BPNT1: variants seen among roughly 807,000 people sequenced by gnomAD.
BPNT1 encodes 3'(2'),5'-bisphosphate nucleotidase 1.
Under a neutral mutation model 36.9 loss-of-function variants are expected in BPNT1, and 28 were observed. The observed-to-expected ratio is 0.76, with a 90% CI of 0.56 to 1.04. The LOEUF (loss-of-function observed/expected upper bound fraction) is 1.04. Ranked by LOEUF, BPNT1 falls within the 50% of genes least tolerant of loss-of-function variation. The pLI, the probability that BPNT1 is intolerant of heterozygous loss-of-function variation, is 0.00. For synonymous variants in BPNT1, 119 were observed against 130.9 expected, an observed-to-expected ratio of 0.91 and a Z score of 0.62; for missense variants, 313 against 372.9, an observed-to-expected ratio of 0.84 and a Z score of 1.32.
intron 4 of BPNT1, among the ~76,000 whole-genome samples, chr1:220,069,853 T>C (rs927769277): frequency 6.6e-6 from 1 of 151,938 alleles, no homozygotes; most frequent in Non-Finnish European, 1.5e-5. Flanking sequence ...GGAGAATCAC[T>C]TGAACTCAGG....
At chr1:220,087,468 T>C (rs1268420906) in intron 1 of BPNT1, among the ~76,000 whole-genome samples, 1 of 152,030 alleles carries the variant, frequency 6.6e-6, no homozygotes, top group Admixed American at 6.6e-5. Context: ...GGCAGGAGAA[T>C]TGCTTGAACC....
intron 1 of BPNT1, among the ~76,000 whole-genome samples, chr1:220,083,321 C>G (rs1335307720): frequency 6.6e-6 from 1 of 150,528 alleles, no homozygotes; most frequent in South Asian, 2.1e-4. Flanking sequence ...GAAAATTAAA[C>G]GGGTTTCTCT....
intron 6 of BPNT1, chr1:220,066,161 G>A (rs769445546): frequency 7.1e-7 from 1 of 1,407,054 alleles, no homozygotes; most frequent in South Asian, 1.4e-5. Flanking sequence ...GAAAGAAGTG[G>A]TGAAAATTAT....
chr1:220,067,520 A>G (rs17563262), intron 5 of BPNT1, 127 bp from the exon 6 acceptor site: 89,820 of 531,444 alleles, frequency 0.17, 8,536 homozygotes, highest in Admixed American at 0.26. Flanking sequence ...TCCGTGATCA[A>G]TCCTATTTAT....
intron 1 of BPNT1, among the ~76,000 whole-genome samples, chr1:220,080,660 G>C (rs1016613813): frequency 1.3e-5 from 2 of 152,146 alleles, no homozygotes; most frequent in African/African-American, 4.8e-5. Flanking sequence ...CCATGATTCA[G>C]TTACCTCCAC....
Position 220,058,651 on chromosome 1 carries a change from C to A in BPNT1, c.*193G>T, listed in dbSNP as rs1662729440. The A allele has an allele frequency of 5.2e-6, 4 of 764,606 alleles. No homozygotes were observed. Among genetic ancestry groups the A allele is most frequent in the Admixed American group, 3.3e-5 (1 of 30,020 alleles). The allele number at this position is 764,606 out of a possible 1,614,324, so 47.4% of individuals were successfully genotyped here. On this transcript the variant is annotated 3_prime_UTR_variant, in exon 9 of 9. Coordinates refer to ENST00000322067, the MANE Select transcript of BPNT1 (RefSeq NM_006085.6). ...GGCTCAAGAGATTCTTCTGCTTCAGCCTCTCAAGTAGCTGGGATGACAGGC... is the reference window on the plus strand; with the variant it reads ...GGCTCAAGAGATTCTTCTGCTTCAGACTCTCAAGTAGCTGGGATGACAGGC...
At chr1:220,077,246 A>G (rs1476704222) in intron 2 of BPNT1, among the ~76,000 whole-genome samples, 1 of 152,184 alleles carries the variant, frequency 6.6e-6, no homozygotes, top group Non-Finnish European at 1.5e-5. Flanking sequence ...AACTAAAAAT[A>G]ACTTGAATAT....
intron 2 of BPNT1, among the ~76,000 whole-genome samples, chr1:220,075,743 T>A (rs1664487385): frequency 6.6e-6 from 1 of 152,236 alleles, no homozygotes; most frequent in African/African-American, 2.4e-5. Flanking sequence ...CCTTGTGTGA[T>A]AAACTGATTT....
rs1298691605 is a variant in BPNT1, at chr1:220,079,740, C to T, written c.107G>A (p.Gly36Asp). The T allele has an allele frequency of 1.2e-6, 2 of 1,614,086 alleles. No homozygotes were observed. Among genetic ancestry groups the T allele is most frequent in the Admixed American group, 3.3e-5 (2 of 60,002 alleles). Residue 36 changes from glycine to aspartate, a missense_variant, in exon 2 of 9, where the codon GGT becomes GAT. Gly to Asp is a moderately conservative substitution (Grantham distance 94). Coordinates refer to ENST00000322067, the MANE Select transcript of BPNT1 (RefSeq NM_006085.6). The part of the protein sequence containing the change: ...VRRVIAEGDL[G>D]IVEKTCATDL... ...GAGTTTGAGTACCTTCTCCACAATACCCAGGTCTCCTTCAGCAATAACACG... is the reference window on the plus strand; with the variant it reads ...GAGTTTGAGTACCTTCTCCACAATATCCAGGTCTCCTTCAGCAATAACACG...
intron 1 of BPNT1, among the ~76,000 whole-genome samples, chr1:220,081,184 T>A (rs1655082184): frequency 6.6e-6 from 1 of 152,120 alleles, no homozygotes; most frequent in Admixed American, 6.5e-5. Flanking sequence ...ATCCCCCCCC[T>A]TGGCCTCCCA....
intron 2 of BPNT1, 23 bp downstream of exon 2, chr1:220,079,704 A>G: frequency 6.2e-7 from 1 of 1,613,338 alleles, no homozygotes; most frequent in Non-Finnish European, 8.5e-7. Context: ...AGTTGGTATG[A>G]AATGATATGA....
intron 1 of BPNT1, among the ~76,000 whole-genome samples, chr1:220,080,389 C>T (rs530347415): frequency 1.3e-5 from 2 of 152,168 alleles, no homozygotes; most frequent in African/African-American, 2.4e-5. Context: ...TAAAGAATGA[C>T]CCAAGACTGG....
At position 220,072,958 on chromosome 1, in the gene BPNT1, C is replaced by G. The variant is rs780246975; in HGVS notation, c.226-1G>C. ...GATCCACTTCCTCAGAAGGCAGATC[C>G]TAAAGCAGAGATAACCCTAATGGTT... On this transcript the variant is annotated splice_acceptor_variant, in intron 3 of 8. Transcript: ENST00000322067. LOFTEE classifies it high-confidence loss of function. 3 of 1,612,688 alleles carry G rather than the reference C, an allele frequency of 1.9e-6. No individual in the cohort carries two copies. Among genetic ancestry groups the G allele is most frequent in the Non-Finnish European group, 2.5e-6 (3 of 1,178,844 alleles).
At chr1:220,084,424 C>T (rs550572656) in intron 1 of BPNT1, among the ~76,000 whole-genome samples, 1 of 152,158 alleles carries the variant, frequency 6.6e-6, no homozygotes, top group Non-Finnish European at 1.5e-5. Context: ...TATCCATATC[C>T]AGACATATAT....
rs897761400 is a variant in BPNT1, at chr1:220,076,647, T to C, written c.121-2576A>G. Among the ~76,000 whole-genome samples, 11 of 150,640 alleles carry C rather than the reference T, an allele frequency of 7.3e-5. 1 individual carries two copies. The highest frequency in any genetic ancestry group is 1.3e-4 in the Admixed American group (2 of 15,074). Reference sequence around the variant, plus strand: ...CTGCGGTGAGCTGAGATAACGCCATTGCACTCCAGCCTGGGCAACAAGAGT... The same window carrying C: ...CTGCGGTGAGCTGAGATAACGCCATCGCACTCCAGCCTGGGCAACAAGAGT... On this transcript the variant is annotated intron_variant, in intron 2 of 8. Coordinates refer to ENST00000322067, the MANE Select transcript of BPNT1 (RefSeq NM_006085.6).
chr1:220,070,502 C>T (rs1663965308), intron 4 of BPNT1, among the ~76,000 whole-genome samples: 1 of 151,806 alleles, frequency 6.6e-6, no homozygotes, highest in South Asian at 2.1e-4. Context: ...CCTGCCACCA[C>T]ACCCAGCTAA....
chr1:220,074,204 G>C, intron 2 of BPNT1, 133 bp from the exon 3 acceptor site: 1 of 701,814 alleles, frequency 1.4e-6, no homozygotes, highest in Non-Finnish European at 2.3e-6. Flanking sequence ...CACCAAATGA[G>C]TTAACTGGTT....
intron 4 of BPNT1, 135 bp downstream of exon 4, chr1:220,072,715 C>T (rs764179862): frequency 1.5e-5 from 10 of 659,290 alleles, no homozygotes; most frequent in Non-Finnish European, 2.7e-5. Flanking sequence ...TCCATGTTGG[C>T]TCTGAAAGAT....
intron 1 of BPNT1, among the ~76,000 whole-genome samples, chr1:220,085,008 T>C (rs902486721): frequency 6.6e-6 from 1 of 152,072 alleles, no homozygotes; most frequent in Non-Finnish European, 1.5e-5. Flanking sequence ...AATAGTACTA[T>C]GCCCTAGCCT....
Sources: gnomAD v4.1 joint callset for allele counts (sites outside exome capture counted in the v4.1 genomes callset) on GRCh38, gnomAD v4.1.1 for gene constraint, MANE v1.5 for transcripts, NCBI Gene and HGNC (gene_info 2026-07-23, HGNC 2026-07-21) for gene names.